PRKG1: variants seen among roughly 807,000 people sequenced by gnomAD.
PRKG1 encodes cGMP-dependent protein kinase 1.
A neutral mutation model predicts 88.1 loss-of-function variants in PRKG1; 35 were observed. That is an observed-to-expected ratio of 0.40 (90% confidence interval 0.30 to 0.53). The LOEUF (loss-of-function observed/expected upper bound fraction) is 0.53. Ranked by LOEUF, PRKG1 falls within the 20% of genes least tolerant of loss-of-function variation. The probability of loss-of-function intolerance (pLI) is 0.59; values close to 1 mark genes in which losing one functional copy is unlikely to be tolerated. For synonymous variants in PRKG1, 303 were observed against 292.5 expected (o/e 1.04, Z -0.37); for missense variants, 540 against 839.8 (o/e 0.64, Z 4.41).
At chr10:52,054,010 CAAAT>C (rs929686654) in intron 5 of PRKG1, among the ~76,000 whole-genome samples, 3 of 151,980 alleles carry the variant, frequency 2.0e-5, no homozygotes, top group East Asian at 1.9e-4. Flanking sequence ...ATGAGAATGA[CAAAT>C]AAAATAATAT....
chr10:51,752,085 A>AATCTT (rs1262334187), intron 3 of PRKG1, among the ~76,000 whole-genome samples: 2 of 152,168 alleles, frequency 1.3e-5, no homozygotes, highest in Non-Finnish European at 2.9e-5. Flanking sequence ...CACAGTTTGG[A>AATCTT]ATGCTGTTTC....
chr10:51,306,064 T>C (rs12415853), intron 2 of PRKG1, among the ~76,000 whole-genome samples: 3,084 of 152,278 alleles, frequency 0.02, 122 homozygotes, highest in East Asian at 0.086. Context: ...AGACATTATA[T>C]GACCATTATT....
chr10:51,611,169 A>G (rs1054062850), intron 3 of PRKG1, among the ~76,000 whole-genome samples: 9 of 152,110 alleles, frequency 5.9e-5, no homozygotes, highest in Admixed American at 5.9e-4. Flanking sequence ...ATAGTGTGAC[A>G]GTATTGTTTT....
chr10:51,361,850 TAATC>T (rs1842487836), intron 2 of PRKG1, among the ~76,000 whole-genome samples: 1 of 151,950 alleles, frequency 6.6e-6, no homozygotes, highest in Admixed American at 6.6e-5. Context: ...TCATTAATTC[TAATC>T]AATCTATTGA....
intron 2 of PRKG1, among the ~76,000 whole-genome samples, chr10:51,271,433 CTT>C (rs1385473277): frequency 6.6e-6 from 1 of 151,966 alleles, no homozygotes; most frequent in Non-Finnish European, 1.5e-5. Context: ...TTGTGACAAA[CTT>C]TGCAAAAAGT....
At chr10:52,020,665 C>A (rs1789661859) in intron 5 of PRKG1, among the ~76,000 whole-genome samples, 1 of 152,022 alleles carries the variant, frequency 6.6e-6, no homozygotes, top group Admixed American at 6.6e-5. Flanking sequence ...TTAGGGTGGG[C>A]TGCCCACCTG....
At chr10:51,520,303 A>G (rs1441544325) in intron 3 of PRKG1, among the ~76,000 whole-genome samples, 1 of 149,248 alleles carries the variant, frequency 6.7e-6, no homozygotes, top group Non-Finnish European at 1.5e-5. Context: ...TATTAAATTA[A>G]ATAGTTGGCT....
chr10:52,055,512 T>C (rs1846089340), intron 6 of PRKG1, among the ~76,000 whole-genome samples: 1 of 152,178 alleles, frequency 6.6e-6, no homozygotes. Flanking sequence ...AACTAAGAAA[T>C]TGAGTGAATT....
intron 1 of PRKG1, among the ~76,000 whole-genome samples, chr10:51,119,199 AGTT>A (rs1381371985): frequency 4.6e-5 from 7 of 152,096 alleles, no homozygotes; most frequent in Non-Finnish European, 1.0e-4. Flanking sequence ...AGTATGGTTC[AGTT>A]GCACCACATT....
intron 3 of PRKG1, among the ~76,000 whole-genome samples, chr10:51,744,340 A>G (rs1837523141): frequency 2.0e-5 from 3 of 152,292 alleles, no homozygotes; most frequent in Admixed American, 2.0e-4. Context: ...GGAGGCTGCA[A>G]CCAGAGTCCC....
intron 1 of PRKG1, among the ~76,000 whole-genome samples, chr10:51,045,440 G>T (rs1333902273): frequency 6.6e-6 from 1 of 152,002 alleles, no homozygotes; most frequent in African/African-American, 2.4e-5. Context: ...TCCTGCCTCA[G>T]CCTCCCCAAG....
At chr10:51,914,854 A>G (rs1842303650) in intron 5 of PRKG1, among the ~76,000 whole-genome samples, 1 of 152,234 alleles carries the variant, frequency 6.6e-6, no homozygotes, top group African/African-American at 2.4e-5. Flanking sequence ...TCTTGGGCAA[A>G]TAACATTTCT....
chr10:51,725,672 A>T (rs1012335858), intron 3 of PRKG1, among the ~76,000 whole-genome samples: 9 of 147,980 alleles, frequency 6.1e-5, no homozygotes, highest in African/African-American at 2.3e-4. Flanking sequence ...TCATTCCTGT[A>T]GCCCAGGCTA....
intron 2 of PRKG1, among the ~76,000 whole-genome samples, chr10:51,251,082 C>T (rs1445766868): frequency 5.9e-5 from 9 of 151,776 alleles, no homozygotes; most frequent in Non-Finnish European, 1.3e-4. Flanking sequence ...TTTCTGACTG[C>T]TTCACTGATA....
At chr10:51,491,044 A>G (rs1488956661) in intron 3 of PRKG1, among the ~76,000 whole-genome samples, 1 of 152,064 alleles carries the variant, frequency 6.6e-6, no homozygotes, top group Non-Finnish European at 1.5e-5. Flanking sequence ...ATTTCATAGA[A>G]CTAGGTTCTC....
chr10:51,880,072 C>A (rs928439628), intron 4 of PRKG1, among the ~76,000 whole-genome samples: 3 of 152,134 alleles, frequency 2.0e-5, no homozygotes, highest in African/African-American at 7.2e-5. Flanking sequence ...CAGCCTCCAC[C>A]TTTTACATCA....
chr10:51,274,463 A>C (rs931322431), intron 2 of PRKG1, among the ~76,000 whole-genome samples: 40 of 152,338 alleles, frequency 2.6e-4, no homozygotes, highest in African/African-American at 9.1e-4. Context: ...TCTAAGTGCA[A>C]TTGAAACATT....
intron 3 of PRKG1, among the ~76,000 whole-genome samples, chr10:51,559,479 C>T (rs1309412087): frequency 6.6e-6 from 1 of 152,106 alleles, no homozygotes; most frequent in Non-Finnish European, 1.5e-5. Flanking sequence ...TGCAGAGTCT[C>T]TTTGCCTAAT....
At chr10:51,662,931 T>C (rs1340439051) in intron 3 of PRKG1, among the ~76,000 whole-genome samples, 3 of 152,072 alleles carry the variant, frequency 2.0e-5, no homozygotes, top group African/African-American at 7.2e-5. Flanking sequence ...CACTAGAATG[T>C]TGGATCTAGT....
Sources: allele counts gnomAD v4.1 joint callset (sites outside exome capture counted in the v4.1 genomes callset), GRCh38; gene constraint gnomAD v4.1.1; transcripts MANE v1.5; gene names NCBI Gene and HGNC (gene_info 2026-07-23, HGNC 2026-07-21).